MYO9A: variants seen among roughly 807,000 people sequenced by gnomAD.
The protein encoded by MYO9A is myosin IXA.
Under a neutral mutation model 293.3 loss-of-function variants are expected in MYO9A, and 103 were observed. That is an observed-to-expected ratio of 0.35 (90% CI 0.30 to 0.41). The LOEUF is 0.41. Ranked by LOEUF, MYO9A falls within the 10% of genes least tolerant of loss-of-function variation. The probability of loss-of-function intolerance (pLI) is 1.00; values close to 1 mark genes in which losing one functional copy is unlikely to be tolerated. For synonymous variants in MYO9A, 1,001 were observed against 1,035.7 expected (o/e 0.97, Z 0.64); for missense variants, 2,685 against 3,033.0 (o/e 0.89, Z 2.69).
chr15:71,940,476 A>G (rs2058745757), intron 15 of MYO9A, among the ~76,000 whole-genome samples: 1 of 150,278 alleles, frequency 6.7e-6, no homozygotes, highest in African/African-American at 2.4e-5. Context: ...TGGGTGACAG[A>G]GTGAGACCCT....
chr15:72,113,137 T>C (rs2080842768), intron 1 of MYO9A, among the ~76,000 whole-genome samples: 2 of 152,284 alleles, frequency 1.3e-5, no homozygotes, highest in South Asian at 4.1e-4. Context: ...ATCATCCCTC[T>C]TACCAAAGTA....
At chr15:71,883,819 ATCT>A in intron 27 of MYO9A, 83 bp from the exon 28 acceptor site, 2 of 1,242,594 alleles carry the variant, frequency 1.6e-6, no homozygotes, top group Non-Finnish European at 2.2e-6. Context: ...AGCTTTACAA[ATCT>A]TCTATGTATA....
chr15:71,956,582 G>A (rs1157853198), intron 14 of MYO9A, among the ~76,000 whole-genome samples: 1 of 149,914 alleles, frequency 6.7e-6, no homozygotes, highest in African/African-American at 2.4e-5. Flanking sequence ...GGAGGTGAAG[G>A]TTGCAGTGAG....
intron 8 of MYO9A, among the ~76,000 whole-genome samples, chr15:72,000,617 G>C (rs12908487): frequency 1.3e-5 from 2 of 152,162 alleles, no homozygotes; most frequent in South Asian, 4.1e-4. Flanking sequence ...ATGTTCTTCA[G>C]ATCTAACTAT....
intron 34 of MYO9A, among the ~76,000 whole-genome samples, chr15:71,855,231 G>C (rs563630082): frequency 6.6e-6 from 1 of 152,274 alleles, no homozygotes; most frequent in East Asian, 1.9e-4. Flanking sequence ...CACCTCCCAG[G>C]TTCAAGCGAT....
rs144963281 is a variant in MYO9A at position 71,923,548 on chromosome 15, T to C, written c.2563-7056A>G. Among the ~76,000 whole-genome samples, 809 of 152,312 alleles carry C rather than the reference T, an allele frequency of 5.3e-3. 9 individuals are homozygous for C. The highest frequency in any genetic ancestry group is 0.019 in the African/African-American group (771 of 41,578). On this transcript the variant is annotated intron_variant, in intron 18 of 41. Coordinates refer to ENST00000356056, the MANE Select transcript of MYO9A (RefSeq NM_006901.4). ...ACTGATTTGAACTCAGAGTTGTTAC[T>C]GGTTTCTTCAGATTTTCTATTCATG...
At chr15:71,841,909 G>C (rs2055179400) in intron 39 of MYO9A, among the ~76,000 whole-genome samples, 1 of 151,782 alleles carries the variant, frequency 6.6e-6, no homozygotes, top group Non-Finnish European at 1.5e-5. Flanking sequence ...GTCTCCCAAA[G>C]TGCCGGTGAT....
chr15:72,096,774 G>C (rs1383666568), intron 1 of MYO9A, among the ~76,000 whole-genome samples: 1 of 152,294 alleles, frequency 6.6e-6, no homozygotes, highest in South Asian at 2.1e-4. Context: ...CATGACTCGT[G>C]GGAAGAGGTC....
rs1007659254 is a variant in MYO9A at position 71,969,475 on chromosome 15, C to T, written c.1845-1350G>A. Reference sequence around the variant, plus strand: ...CTTTAATCATGTGCCCCCTCTGCTCCGAAATGTATAGATCACCAAGGCAAA... The same window carrying T: ...CTTTAATCATGTGCCCCCTCTGCTCTGAAATGTATAGATCACCAAGGCAAA... On this transcript the variant is annotated intron_variant, in intron 12 of 41. Coordinates refer to ENST00000356056, the MANE Select transcript of MYO9A (RefSeq NM_006901.4). Among the ~76,000 whole-genome samples the T allele has an allele frequency of 5.9e-5, 9 of 152,244 alleles. No individual in the cohort carries two copies. In the East Asian group the frequency reaches 7.7e-4, roughly 13 times the overall value.
chr15:71,891,537 A>G (rs1361536223), intron 26 of MYO9A: 3 of 152,236 alleles, frequency 2.0e-5, no homozygotes, highest in African/African-American at 7.2e-5. Flanking sequence ...TTAACTGTTA[A>G]TCAGATAACA....
chr15:72,003,989 T>G (rs376758236), intron 8 of MYO9A, among the ~76,000 whole-genome samples: 12 of 152,180 alleles, frequency 7.9e-5, no homozygotes, highest in Non-Finnish European at 1.5e-4. Context: ...TCTCTTTACC[T>G]AGCACAAAAA....
chr15:71,862,990 C>CT (rs1403331389), intron 32 of MYO9A, among the ~76,000 whole-genome samples: 1 of 145,492 alleles, frequency 6.9e-6, no homozygotes, highest in African/African-American at 2.6e-5. Context: ...TGCAGTGGTG[C>CT]TATCAGCTCA....
At chr15:71,956,065 G>C (rs2059168746) in intron 14 of MYO9A, among the ~76,000 whole-genome samples, 1 of 151,768 alleles carries the variant, frequency 6.6e-6, no homozygotes, top group Non-Finnish European at 1.5e-5. Flanking sequence ...CACTCGGGGG[G>C]AGGCTGAGCA....
intron 13 of MYO9A, among the ~76,000 whole-genome samples, chr15:71,961,396 A>G (rs1215527084): frequency 6.6e-6 from 1 of 152,178 alleles, no homozygotes; most frequent in African/African-American, 2.4e-5. Flanking sequence ...AGACCAAGAG[A>G]TCAGTTTTTT....
At chr15:71,935,249 C>T in intron 17 of MYO9A, 92 bp downstream of exon 17, 1 of 1,300,374 alleles carries the variant, frequency 7.7e-7, no homozygotes, top group Non-Finnish European at 1.0e-6. Flanking sequence ...AACATTTCAC[C>T]ATCTTCCTTC....
chr15:72,010,387 T>A lies in MYO9A; in HGVS notation c.1216A>T (p.Met406Leu). 6.2e-7 allele frequency: 1 copy of A among 1,613,606 alleles called. No individual in the cohort carries two copies. Among genetic ancestry groups the A allele is most frequent in the Admixed American group, 1.7e-5 (1 of 60,008 alleles). The change falls in exon 7 of 42, where the codon ATG (methionine) becomes TTG (leucine). Residue 406 changes from methionine to leucine, a missense_variant. Around this residue, in one of 10 missense-constraint regions of MYO9A, gnomAD observed 289 missense variants for 456.8 expected, o/e 0.63. Transcript: ENST00000356056. ...TTGGGAAGAAATCCTACCATTTCCA[T>A]GGCAAGTTGTAGGCGCTCAAAGTCA... ...RHDFERLQLAMEMVGFLPKTR... is the reference protein window; with the variant it reads ...RHDFERLQLALEMVGFLPKTR...
chr15:72,081,694 T>C (rs1364935234), intron 1 of MYO9A, among the ~76,000 whole-genome samples: 1 of 152,222 alleles, frequency 6.6e-6, no homozygotes, highest in Non-Finnish European at 1.5e-5. Flanking sequence ...TTAGAGACTT[T>C]AATCCATCTT....
intron 25 of MYO9A, chr15:71,896,894 A>G (rs976273343): frequency 6.6e-6 from 1 of 152,234 alleles, no homozygotes; most frequent in Non-Finnish European, 1.5e-5. Flanking sequence ...GAGTTGTTCA[A>G]TGGGTACAGA....
intron 1 of MYO9A, among the ~76,000 whole-genome samples, chr15:72,067,467 G>C (rs189102469): frequency 2.0e-5 from 3 of 152,008 alleles, no homozygotes; most frequent in Admixed American, 2.0e-4. Flanking sequence ...ATTTTTAGTA[G>C]AGACGGGGTT....
Sources: allele counts gnomAD v4.1 joint callset (sites outside exome capture counted in the v4.1 genomes callset), GRCh38; gene constraint gnomAD v4.1.1; regional missense constraint gnomAD v4.1.1; transcripts MANE v1.5; gene names NCBI Gene and HGNC (gene_info 2026-07-23, HGNC 2026-07-21).